The following CCDC83 variants were observed in gnomAD, a reference collection of about 807,000 sequenced individuals.
CCDC83 encodes the protein coiled-coil domain containing 83, also known as coiled-coil domain-containing protein 83.
A neutral mutation model predicts 50.1 loss-of-function variants in CCDC83; 54 were observed. That is an observed-to-expected ratio of 1.08 (90% CI 0.87 to 1.35). The LOEUF is 1.35. Ranked by LOEUF, CCDC83 falls within the 40% of genes most tolerant of loss-of-function variation. The pLI is 0.00. For missense variants in CCDC83, 518 were observed against 473.9 expected (o/e 1.09, Z -0.86); for synonymous variants, 161 against 153.3 (o/e 1.05, Z -0.37).
chr11:85,891,601 C>A (rs551458786), intron 5 of CCDC83, among the ~76,000 whole-genome samples: 1 of 152,154 alleles, frequency 6.6e-6, no homozygotes, highest in Admixed American at 6.5e-5. Context: ...GTTCTTTGTA[C>A]ACTAACAGTG....
intron 2 of CCDC83, among the ~76,000 whole-genome samples, chr11:85,870,494 C>T (rs999732861): frequency 5.3e-5 from 8 of 151,936 alleles, no homozygotes; most frequent in Non-Finnish European, 8.8e-5. Context: ...TCCTGAAAAA[C>T]GGGAGGTAGA....
chr11:85,863,580 G>A (rs1478179224), intron 1 of CCDC83, among the ~76,000 whole-genome samples: 2 of 152,226 alleles, frequency 1.3e-5, no homozygotes, highest in Admixed American at 6.5e-5. Context: ...AAAAGTCACA[G>A]ACATAAAGAC....
chr11:85,886,179 C>A, intron 4 of CCDC83, 21 bp from the exon 5 acceptor site: 2 of 1,504,860 alleles, frequency 1.3e-6, no homozygotes, highest in Non-Finnish European at 1.8e-6. Context: ...AGAAATGACA[C>A]AGTGTCTTTA....
chr11:85,908,163 A>G (rs2093433725), intron 7 of CCDC83, among the ~76,000 whole-genome samples: 1 of 152,180 alleles, frequency 6.6e-6, no homozygotes, highest in Non-Finnish European at 1.5e-5. Context: ...TCAAGCCACC[A>G]GCAATATTTG....
chr11:85,858,267 G>A (rs775320171), intron 1 of CCDC83, among the ~76,000 whole-genome samples: 9 of 152,184 alleles, frequency 5.9e-5, no homozygotes, highest in Non-Finnish European at 1.3e-4. Flanking sequence ...GGCAATGGCT[G>A]AAGCCCACCT....
Position 85,911,409 on chromosome 11 carries a change from A to C in CCDC83, c.794+7A>C. Reference sequence around the variant, plus strand: ...TGGATCTCAAGATACCCAGGTGAAAATTGTTAATATATAGAGAGTATTTTG... The same window carrying C: ...TGGATCTCAAGATACCCAGGTGAAACTTGTTAATATATAGAGAGTATTTTG... On this transcript the variant is annotated splice_region_variant and intron_variant, in intron 8 of 10. Transcript: ENST00000342404. 6.3e-7 allele frequency: 1 copy of C among 1,578,718 alleles called. No individual in the cohort carries two copies. Among genetic ancestry groups the C allele is most frequent in the Non-Finnish European group, 8.6e-7 (1 of 1,165,182 alleles).
intron 8 of CCDC83, among the ~76,000 whole-genome samples, chr11:85,914,656 T>C (rs78673935): frequency 0.022 from 3,401 of 152,276 alleles, 147 homozygotes; most frequent in African/African-American, 0.077. Flanking sequence ...TCACTCTCAA[T>C]TTTTTGAACT....
intron 10 of CCDC83, chr11:85,917,980 G>C (rs2135162253): frequency 6.6e-6 from 1 of 152,302 alleles, no homozygotes; most frequent in Middle Eastern, 3.4e-3. Context: ...TCCTCCCAGT[G>C]ATTCTGAAAT....
At chr11:85,888,935 A>T (rs1376444938) in intron 5 of CCDC83, among the ~76,000 whole-genome samples, 1 of 152,332 alleles carries the variant, frequency 6.6e-6, no homozygotes, top group African/African-American at 2.4e-5. Context: ...AATACTTTTT[A>T]AAAAGTTATT....
chr11:85,865,434 A>T (rs946668972), intron 2 of CCDC83, among the ~76,000 whole-genome samples: 9 of 152,286 alleles, frequency 5.9e-5, no homozygotes, highest in Non-Finnish European at 8.8e-5. Context: ...ATGACTACTT[A>T]GACTATTTTA....
At position 85,916,100 on chromosome 11, in the gene CCDC83, T is replaced by A. The variant is rs2093476017; in HGVS notation, c.947T>A (p.Ile316Asn). The A allele has an allele frequency of 6.2e-7, 1 of 1,613,100 alleles. No homozygotes were observed. Among genetic ancestry groups the A allele is most frequent in the South Asian group, 1.1e-5 (1 of 91,036 alleles). ...ATGTCCTCATCAGATGAGAGCACTATCTTACATCTTAGTCATGAAAATAGC... is the reference window on the plus strand; with the variant it reads ...ATGTCCTCATCAGATGAGAGCACTAACTTACATCTTAGTCATGAAAATAGC... The part of the protein sequence containing the change: ...DLMSSSDEST[I>N]LHLSHENSIE... Residue 316 changes from isoleucine to asparagine, a missense_variant, in exon 10 of 11, where the codon ATC (isoleucine) becomes AAC (asparagine). Physicochemically the swap from Ile to Asn is moderately radical, Grantham distance 149. Coordinates refer to ENST00000342404, the MANE Select transcript of CCDC83 (RefSeq NM_001286159.2).
At chr11:85,889,171 G>A (rs2093340248) in intron 5 of CCDC83, among the ~76,000 whole-genome samples, 1 of 152,154 alleles carries the variant, frequency 6.6e-6, no homozygotes, top group African/African-American at 2.4e-5. Flanking sequence ...TGAGCAACAG[G>A]GTGAAACCCC....
In CCDC83 at chr11:85,855,547, T is replaced by A. The variant is rs977133377; in HGVS notation, c.-66T>A. On this transcript the variant is annotated 5_prime_UTR_variant, in exon 1 of 11. Coordinates refer to ENST00000342404, the MANE Select transcript of CCDC83 (RefSeq NM_001286159.2). ...TGCGGTAGAACCCCTGGATACATTA[T>A]TTGCCCTCTCGAAAGGCAGGCTCTG... is the stretch of plus-strand genomic sequence containing the variant. 2 of 152,408 alleles carry A rather than the reference T, an allele frequency of 1.3e-5. No homozygotes were observed. Among genetic ancestry groups the A allele is most frequent in the Non-Finnish European group, 2.9e-5 (2 of 68,180 alleles). The allele number at this position is 152,408 out of a possible 1,614,324, so 9.4% of individuals were successfully genotyped here.
chr11:85,867,286 C>G (rs1244570460), intron 2 of CCDC83, among the ~76,000 whole-genome samples: 1 of 152,164 alleles, frequency 6.6e-6, no homozygotes, highest in Non-Finnish European at 1.5e-5. Flanking sequence ...CCTGCCTCAG[C>G]CTCCCAAAGT....
At chr11:85,864,143 AT>A (rs772365711) in intron 1 of CCDC83, among the ~76,000 whole-genome samples, 4 of 152,178 alleles carry the variant, frequency 2.6e-5, no homozygotes, top group African/African-American at 7.2e-5. Context: ...TCTGACAAGC[AT>A]TTATTGTGTG....
chr11:85,887,040 C>A (rs2093330466), intron 5 of CCDC83, among the ~76,000 whole-genome samples: 1 of 152,112 alleles, frequency 6.6e-6, no homozygotes, highest in South Asian at 2.1e-4. Flanking sequence ...TCACCTGGGG[C>A]AAGCTAAGTC....
chr11:85,873,298 G>A lies in CCDC83; in HGVS notation c.180+3G>A. 1.5e-6 allele frequency: 2 copies of A among 1,347,962 alleles called. No individual in the cohort carries two copies. Among genetic ancestry groups the A allele is most frequent in the East Asian group, 2.4e-5 (1 of 41,076 alleles). 83.5% of individuals were successfully genotyped at this position (1,347,962 alleles called of 1,614,324 possible). On this transcript the variant is annotated splice_donor_region_variant and intron_variant, in intron 3 of 10. Transcript: ENST00000342404. ...AGAACCAAAAATATCATGAAAGAGT[G>A]AGTATAAAATTTAGAACCTATATAT... is the stretch of plus-strand genomic sequence containing the variant.
intron 4 of CCDC83, 62 bp from the exon 5 acceptor site, chr11:85,886,138 G>C: frequency 3.1e-6 from 4 of 1,310,302 alleles, no homozygotes; most frequent in Non-Finnish European, 4.0e-6. Context: ...CTTAAAACCA[G>C]ATTGCAACAT....
chr11:85,862,491 G>A (rs983481768), intron 1 of CCDC83, among the ~76,000 whole-genome samples: 2 of 152,166 alleles, frequency 1.3e-5, no homozygotes, highest in African/African-American at 4.8e-5. Flanking sequence ...GTGTGCTTCT[G>A]TCTTCCTATC....
Sources: allele counts gnomAD v4.1 joint callset (sites outside exome capture counted in the v4.1 genomes callset), GRCh38; gene constraint gnomAD v4.1.1; transcripts MANE v1.5; gene names NCBI Gene and HGNC (gene_info 2026-07-23, HGNC 2026-07-21).